Variants in CA10 observed in about 807,000 individuals in gnomAD.
The protein encoded by CA10 is carbonic anhydrase-related protein 10.
CA10 carries 14 observed loss-of-function variants against 44.2 expected under a neutral mutation model. The observed-to-expected ratio is 0.32, with a 90% CI of 0.21 to 0.50. The LOEUF (loss-of-function observed/expected upper bound fraction) is 0.50. Ranked by LOEUF, CA10 falls within the 20% of genes least tolerant of loss-of-function variation. The pLI, the probability that CA10 is intolerant of heterozygous loss-of-function variation, is 0.99. For missense variants in CA10, 350 were observed against 409.7 expected, an observed-to-expected ratio of 0.85 and a Z score of 1.26; for synonymous variants, 159 against 141.6, an observed-to-expected ratio of 1.12 and a Z score of -0.87.
At chr17:51,647,009 G>T (rs1913369074) in intron 6 of CA10, among the ~76,000 whole-genome samples, 1 of 151,828 alleles carries the variant, frequency 6.6e-6, no homozygotes, top group South Asian at 2.1e-4. Flanking sequence ...TCTTGCTTTG[G>T]CTCCCCTTTC....
chr17:51,709,670 T>A (rs916730699), intron 4 of CA10, among the ~76,000 whole-genome samples: 1 of 152,170 alleles, frequency 6.6e-6, no homozygotes, highest in African/African-American at 2.4e-5. Flanking sequence ...CATATGCAAA[T>A]GTCCTCAGGT....
chr17:51,848,336 T>G (rs1237440233), intron 3 of CA10, among the ~76,000 whole-genome samples: 1 of 152,188 alleles, frequency 6.6e-6, no homozygotes, highest in Non-Finnish European at 1.5e-5. Context: ...ACCTGAGGCT[T>G]GTGCCTCACT....
intron 1 of CA10, among the ~76,000 whole-genome samples, chr17:52,147,325 T>C (rs1989610028): frequency 6.6e-6 from 1 of 152,122 alleles, no homozygotes; most frequent in Admixed American, 6.6e-5. Flanking sequence ...CAAGGAGCAC[T>C]GATCAAGAAA....
intron 4 of CA10, among the ~76,000 whole-genome samples, chr17:51,675,500 G>A (rs1914592812): frequency 6.7e-6 from 1 of 148,574 alleles, no homozygotes; most frequent in African/African-American, 2.5e-5. Context: ...AGTGAGCTGA[G>A]ATTGCGCCAC....
chr17:51,863,036 T>C (rs1373808758), intron 3 of CA10, among the ~76,000 whole-genome samples: 1 of 152,170 alleles, frequency 6.6e-6, no homozygotes, highest in Non-Finnish European at 1.5e-5. Context: ...TGTGGCAACT[T>C]ACTAGTTGGA....
intron 1 of CA10, among the ~76,000 whole-genome samples, chr17:52,090,477 A>C (rs759205298): frequency 6.6e-6 from 1 of 152,132 alleles, no homozygotes; most frequent in Non-Finnish European, 1.5e-5. Context: ...TATAAGATAT[A>C]ACGGTGTAAA....
chr17:52,001,217 A>G (rs1260227970), intron 2 of CA10, among the ~76,000 whole-genome samples: 2 of 152,016 alleles, frequency 1.3e-5, no homozygotes, highest in African/African-American at 4.8e-5. Flanking sequence ...AAGGATTGTA[A>G]AAAACAAAGC....
intron 4 of CA10, among the ~76,000 whole-genome samples, chr17:51,744,280 A>G (rs911939880): frequency 1.3e-5 from 2 of 151,544 alleles, no homozygotes; most frequent in African/African-American, 4.9e-5. Context: ...ATGGCACTGC[A>G]CTTCAGCCTG....
chr17:52,102,799 T>G (rs989996352), intron 1 of CA10, among the ~76,000 whole-genome samples: 1 of 152,238 alleles, frequency 6.6e-6, no homozygotes, highest in Non-Finnish European at 1.5e-5. Flanking sequence ...TTCTCAAGAA[T>G]GTAAATAAAA....
chr17:51,689,894 A>G (rs1180448376), intron 4 of CA10, among the ~76,000 whole-genome samples: 1 of 152,162 alleles, frequency 6.6e-6, no homozygotes, highest in Non-Finnish European at 1.5e-5. Context: ...GCTAATTAAC[A>G]TATGCATTAC....
chr17:51,705,183 G>T (rs1915726492), intron 4 of CA10, among the ~76,000 whole-genome samples: 1 of 152,034 alleles, frequency 6.6e-6, no homozygotes, highest in Admixed American at 6.6e-5. Flanking sequence ...TTATTACAAG[G>T]CTTCCGTGTG....
intron 4 of CA10, among the ~76,000 whole-genome samples, chr17:51,677,924 CA>C (rs1218121384): frequency 6.6e-6 from 1 of 151,576 alleles, no homozygotes; most frequent in African/African-American, 2.4e-5. Context: ...AATAGGTACC[CA>C]AACTGAAAAC....
rs540583737 is a variant in CA10, at chr17:51,734,701, C to T, written c.465+12932G>A. Among the ~76,000 whole-genome samples, 50 of 152,276 alleles carry T rather than the reference C, an allele frequency of 3.3e-4. No homozygotes were observed. The South Asian group carries it at 0.01, about 31-fold the overall frequency. On this transcript the variant is annotated intron_variant, in intron 4 of 8. Transcript: ENST00000451037. The stretch of plus-strand genomic sequence containing the variant: ...AATGGGAGGGCGATTCCTTGCAGGA[C>T]CTCAGGCTGATGGGTTTTCTCCACA...
chr17:52,011,708 A>T (rs1985802374), intron 2 of CA10, among the ~76,000 whole-genome samples: 1 of 152,040 alleles, frequency 6.6e-6, no homozygotes, highest in African/African-American at 2.4e-5. Context: ...ATGTATGATA[A>T]GTGATATGAC....
chr17:51,957,474 T>A (rs538133593), intron 2 of CA10, among the ~76,000 whole-genome samples: 1 of 151,890 alleles, frequency 6.6e-6, no homozygotes, highest in Admixed American at 6.6e-5. Flanking sequence ...TATGGTTCAC[T>A]AAGGAAGGCA....
chr17:51,714,014 T>A (rs1030109188), intron 4 of CA10, among the ~76,000 whole-genome samples: 1 of 152,162 alleles, frequency 6.6e-6, no homozygotes. Context: ...TTTCTTATAG[T>A]CAAAGAACAC....
At chr17:51,694,603 G>A (rs560911972) in intron 4 of CA10, among the ~76,000 whole-genome samples, 1 of 151,564 alleles carries the variant, frequency 6.6e-6, no homozygotes, top group South Asian at 2.1e-4. Context: ...TTCTGTGGGT[G>A]GTCTGTTTAC....
At chr17:51,734,190 G>C (rs796995816) in intron 4 of CA10, among the ~76,000 whole-genome samples, 1 of 114,636 alleles carries the variant, frequency 8.7e-6, no homozygotes, top group Non-Finnish European at 1.8e-5. Flanking sequence ...GGGGGGGGGG[G>C]TTCCAATGTA....
At chr17:51,882,802 C>T (rs1419856890) in intron 3 of CA10, among the ~76,000 whole-genome samples, 1 of 152,184 alleles carries the variant, frequency 6.6e-6, no homozygotes, top group Non-Finnish European at 1.5e-5. Flanking sequence ...TCCTCCTTCC[C>T]TCTCTAGGGA....
Sources: gnomAD v4.1 joint callset for allele counts (sites outside exome capture counted in the v4.1 genomes callset) on GRCh38, gnomAD v4.1.1 for gene constraint, MANE v1.5 for transcripts, NCBI Gene and HGNC (gene_info 2026-07-23, HGNC 2026-07-21) for gene names.